The following RYR2 variants were observed in gnomAD, a reference collection of about 807,000 sequenced individuals.
RYR2 encodes the protein cardiac muscle ryanodine receptor-calcium release channel.
Under a neutral mutation model 601.1 loss-of-function variants are expected in RYR2, and 227 were observed. The ratio of observed to expected loss-of-function variants is 0.38; its 90% CI spans 0.34 to 0.42. The LOEUF (loss-of-function observed/expected upper bound fraction) is 0.42. Ranked by LOEUF, RYR2 falls within the 10% of genes least tolerant of loss-of-function variation. RYR2 has a pLI of 1.00. For missense variants in RYR2, 4,646 were observed against 6,156.5 expected, an observed-to-expected ratio of 0.75 and a Z score of 8.21; for synonymous variants, 2,223 against 2,175.1, an observed-to-expected ratio of 1.02 and a Z score of -0.61.
chr1:237,175,042 A>G (rs1677865017), intron 1 of RYR2, among the ~76,000 whole-genome samples: 1 of 152,230 alleles, frequency 6.6e-6, no homozygotes, highest in African/African-American at 2.4e-5. Context: ...AGTCTTGTTA[A>G]TAATGTATAA....
At chr1:237,249,856 A>G (rs1687273295) in intron 1 of RYR2, among the ~76,000 whole-genome samples, 2 of 152,220 alleles carry the variant, frequency 1.3e-5, no homozygotes, top group Non-Finnish European at 2.9e-5. Flanking sequence ...ATGATGATAC[A>G]CACAGGTGCA....
chr1:237,612,673 C>G (rs1336664098), intron 36 of RYR2, among the ~76,000 whole-genome samples: 1 of 151,900 alleles, frequency 6.6e-6, no homozygotes, highest in Non-Finnish European at 1.5e-5. Flanking sequence ...ACCGAACAAC[C>G]AAAACAAACA....
chr1:237,453,162 T>A (rs1390102186), intron 14 of RYR2, among the ~76,000 whole-genome samples: 1 of 152,042 alleles, frequency 6.6e-6, no homozygotes, highest in Non-Finnish European at 1.5e-5. Flanking sequence ...ATGGGAAAAA[T>A]AATTTTCTAC....
intron 2 of RYR2, among the ~76,000 whole-genome samples, chr1:237,310,515 T>C (rs1402258393): frequency 3.3e-5 from 5 of 152,150 alleles, no homozygotes; most frequent in Admixed American, 6.5e-5. Context: ...TTGACTATTA[T>C]CCTACTTGAT....
intron 1 of RYR2, among the ~76,000 whole-genome samples, chr1:237,173,975 T>C (rs1330730200): frequency 6.6e-6 from 1 of 152,068 alleles, no homozygotes; most frequent in Non-Finnish European, 1.5e-5. Context: ...GAGAATGGCA[T>C]GAACCTGGGA....
Position 237,801,842 on chromosome 1 carries a change from T to TC in RYR2, c.14091-14_14091-13insC. On this transcript the variant is annotated splice_polypyrimidine_tract_variant and intron_variant, in intron 97 of 104. Transcript: ENST00000366574. ...ATGTGCATAACTACGCATTTTTTTT[T>TC]TTTGTCATTGCAGACTGAACTCCAT... 6.4e-7 allele frequency: 1 copy of TC among 1,574,048 alleles called. No individual in the cohort carries two copies. The highest frequency in any genetic ancestry group is 8.7e-7 in the Non-Finnish European group (1 of 1,154,476).
intron 100 of RYR2, among the ~76,000 whole-genome samples, chr1:237,811,021 T>G (rs1160109815): frequency 6.6e-6 from 1 of 152,038 alleles, no homozygotes; most frequent in Non-Finnish European, 1.5e-5. Context: ...GGAAAGAAAC[T>G]TGTTTGCTTT....
intron 11 of RYR2, among the ~76,000 whole-genome samples, chr1:237,422,638 A>G (rs949960221): frequency 5.9e-5 from 9 of 152,240 alleles, no homozygotes; most frequent in African/African-American, 2.2e-4. Context: ...AATCATACTT[A>G]GACGTTGACC....
chr1:237,433,006 C>T (rs563833783), intron 12 of RYR2, among the ~76,000 whole-genome samples: 1 of 142,504 alleles, frequency 7.0e-6, no homozygotes, highest in East Asian at 2.1e-4. Context: ...AAACTATCTG[C>T]TAATTAAAAT....
intron 73 of RYR2, among the ~76,000 whole-genome samples, chr1:237,722,030 A>G (rs28547065): frequency 1.3e-5 from 2 of 152,204 alleles, no homozygotes; most frequent in Non-Finnish European, 2.9e-5. Flanking sequence ...GTGTGATTTT[A>G]AAAACATCTA....
In RYR2 at chr1:237,532,233, A is replaced by C. The variant is rs183816078; in HGVS notation, c.2906+1723A>C. On this transcript the variant is annotated intron_variant, in intron 25 of 104. Transcript: ENST00000366574. ...AAATAGCTCATAGTAAGATGGATTT[A>C]GGTATTCTTTATCCAATTACATTAT... 2.1e-4 allele frequency among the ~76,000 whole-genome samples: 32 copies of C among 152,274 alleles called. 1 individual carries two copies. The highest frequency in any genetic ancestry group is 7.5e-4 in the African/African-American group (31 of 41,576).
intron 29 of RYR2, among the ~76,000 whole-genome samples, chr1:237,583,034 C>T (rs570846843): frequency 1.3e-5 from 2 of 152,106 alleles, no homozygotes; most frequent in African/African-American, 4.8e-5. Flanking sequence ...AACTTATTTA[C>T]ATTCCCACCA....
rs10925513 is a variant in RYR2 at position 237,804,332 on chromosome 1, A to G, written c.14152-1805A>G. Among the ~76,000 whole-genome samples the G allele has an allele frequency of 3.1e-3, 323 of 104,292 alleles. 12 individuals carry two copies. Among genetic ancestry groups the G allele is most frequent in the African/African-American group, 0.01 (305 of 29,734 alleles). 68.4% of individuals were successfully genotyped at this position (104,292 alleles called of 152,430 possible). A position where few individuals can be genotyped will look rare whatever the true frequency, so the allele number is the denominator to read the frequency against. On this transcript the variant is annotated intron_variant, in intron 98 of 104. Coordinates refer to ENST00000366574, the MANE Select transcript of RYR2 (RefSeq NM_001035.3). The stretch of plus-strand genomic sequence containing the variant: ...TCTTACCTCAGTGTGCTTTTTAAAA[A>G]TGCTGTTTTCTTTTCTGCCACTTGA...
At chr1:237,676,047 C>T (rs751398933) in intron 60 of RYR2, among the ~76,000 whole-genome samples, 13 of 151,976 alleles carry the variant, frequency 8.6e-5, no homozygotes, top group Non-Finnish European at 1.8e-4. Flanking sequence ...GAAATTTAAC[C>T]GAAGAACAAA....
chr1:237,216,110 C>T (rs1558440499), intron 1 of RYR2, among the ~76,000 whole-genome samples: 1 of 152,076 alleles, frequency 6.6e-6, no homozygotes, highest in Non-Finnish European at 1.5e-5. Flanking sequence ...ACTCCTGTAA[C>T]AACATATGGA....
intron 79 of RYR2, among the ~76,000 whole-genome samples, chr1:237,739,148 G>A (rs147039839): frequency 3.8e-4 from 58 of 152,310 alleles, no homozygotes; most frequent in African/African-American, 1.3e-3. Context: ...GATGAGTACA[G>A]CATCTGCTCT....
chr1:237,191,596 C>T (rs115639475), intron 1 of RYR2, among the ~76,000 whole-genome samples: 6,594 of 152,122 alleles, frequency 0.043, 463 homozygotes, highest in African/African-American at 0.14. Context: ...TTGCCAAGTG[C>T]GTGTTCCGAT....
chr1:237,092,347 G>A (rs775709840), intron 1 of RYR2, among the ~76,000 whole-genome samples: 1 of 152,060 alleles, frequency 6.6e-6, no homozygotes, highest in East Asian at 1.9e-4. Flanking sequence ...AAGAGTGTTT[G>A]TTTCCTTGAA....
Position 237,208,936 on chromosome 1 carries a change from GTATATATATATATATATA to G in RYR2, c.49-61529_49-61512del, listed in dbSNP as rs56133827. On this transcript the variant is annotated intron_variant, in intron 1 of 104. Coordinates refer to ENST00000366574, the MANE Select transcript of RYR2 (RefSeq NM_001035.3). ...CATCTGTACAACCAAATGTGTGTGT[GTATATATATATATATATA>G]TATATATATATATATATATATATAT... 2.0e-3 allele frequency among the ~76,000 whole-genome samples: 176 copies of G among 89,874 alleles called. 8 individuals are homozygous for G. Among genetic ancestry groups the G allele is most frequent in the Middle Eastern group, 7.0e-3 (1 of 142 alleles). The allele number at this position is 89,874 out of a possible 152,430, so 59.0% of individuals were successfully genotyped here.
Sources: allele counts gnomAD v4.1 joint callset (sites outside exome capture counted in the v4.1 genomes callset), GRCh38; gene constraint gnomAD v4.1.1; transcripts MANE v1.5; gene names NCBI Gene and HGNC (gene_info 2026-07-23, HGNC 2026-07-21).